PTPN4: variants seen among roughly 807,000 people sequenced by gnomAD.
PTPN4 encodes protein tyrosine phosphatase non-receptor type 4.
In PTPN4, 49 loss-of-function variants were observed where a neutral mutation model predicts 135.5. The observed-to-expected ratio is 0.36, with a 90% CI of 0.29 to 0.46. The LOEUF (loss-of-function observed/expected upper bound fraction) is 0.46. PTPN4 is among the 20% of genes least tolerant of loss of function. PTPN4 has a pLI of 1.00. For missense variants in PTPN4, 860 were observed against 1,101.0 expected (o/e 0.78, Z 3.10); for synonymous variants, 333 against 369.9 (o/e 0.90, Z 1.14).
chr2:119,915,239 A>G lies in PTPN4; in HGVS notation c.825A>G (p.Glu275=). The stretch of plus-strand genomic sequence containing the variant: ...AGTTTTTTATTCAACTTAGAAAAGA[A>G]TTGGTGAGTACGGATTTAATAATTA... ...CKQFFIQLRK[E]LHESRETLLG... Residue 275 remains glutamate, a synonymous_variant, in exon 11 of 27, where the codon GAA becomes GAG. Coordinates refer to ENST00000263708, the MANE Select transcript of PTPN4 (RefSeq NM_002830.4). The G allele has an allele frequency of 6.5e-7, 1 of 1,533,884 alleles. No homozygotes were observed. Among genetic ancestry groups the G allele is most frequent in the Non-Finnish European group, 8.8e-7 (1 of 1,140,344 alleles).
At chr2:119,890,287 G>A (rs1213949757) in intron 9 of PTPN4, among the ~76,000 whole-genome samples, 1 of 139,472 alleles carries the variant, frequency 7.2e-6, no homozygotes, top group African/African-American at 2.8e-5. Context: ...TTTTTTAACT[G>A]TTCTTGAAAT....
chr2:119,778,706 C>G (rs1426085426), intron 1 of PTPN4, among the ~76,000 whole-genome samples: 2 of 152,128 alleles, frequency 1.3e-5, no homozygotes, highest in African/African-American at 4.8e-5. Flanking sequence ...AGAAATGGCA[C>G]AAATTAGATT....
chr2:119,951,292 T>C (rs937219247), intron 18 of PTPN4, among the ~76,000 whole-genome samples: 1 of 152,232 alleles, frequency 6.6e-6, no homozygotes, highest in African/African-American at 2.4e-5. Context: ...TGGTCATCTA[T>C]TGCTTCTCTG....
At chr2:119,932,673 T>A (rs1232503442) in intron 14 of PTPN4, 124 bp downstream of exon 14, 1 of 1,171,924 alleles carries the variant, frequency 8.5e-7, no homozygotes, top group Admixed American at 2.4e-5. Context: ...GAAACATGAT[T>A]TTTGTTGCTC....
At chr2:119,833,923 G>A (rs1156498090) in intron 2 of PTPN4, among the ~76,000 whole-genome samples, 1 of 152,120 alleles carries the variant, frequency 6.6e-6, no homozygotes, top group East Asian at 1.9e-4. Flanking sequence ...ACTTAGTTCT[G>A]TATCTCACCT....
At chr2:119,887,950 G>C (rs554700587) in intron 9 of PTPN4, among the ~76,000 whole-genome samples, 37 of 152,138 alleles carry the variant, frequency 2.4e-4, no homozygotes, top group African/African-American at 7.2e-4. Flanking sequence ...GATCTGTAGA[G>C]TGCTCTGGCA....
At chr2:119,975,466 G>A (rs945705352) in intron 26 of PTPN4, among the ~76,000 whole-genome samples, 1 of 152,182 alleles carries the variant, frequency 6.6e-6, no homozygotes, top group Admixed American at 6.5e-5. Flanking sequence ...GCTCACGCCT[G>A]TAATCTCAGC....
In PTPN4 at chr2:119,978,621, G is replaced by A. The variant is rs894826703; in HGVS notation, c.*1551G>A. The A allele has an allele frequency of 2.0e-5, 3 of 151,974 alleles. No homozygotes were observed. Among genetic ancestry groups the A allele is most frequent in the Non-Finnish European group, 2.9e-5 (2 of 67,928 alleles). The allele number at this position is 151,974 out of a possible 1,614,324, so 9.4% of individuals were successfully genotyped here. A position where few individuals can be genotyped will look rare whatever the true frequency, so the allele number is the denominator to read the frequency against. On this transcript the variant is annotated 3_prime_UTR_variant, in exon 27 of 27. Coordinates refer to ENST00000263708, the MANE Select transcript of PTPN4 (RefSeq NM_002830.4). ...TACAGAGAGATAGAACCTTAACATT[G>A]CCCAGTTTGATAAAAGTGAAAATTT...
At chr2:119,882,300 C>T (rs1678091978) in intron 7 of PTPN4, 151 bp downstream of exon 7, 7 of 1,018,156 alleles carry the variant, frequency 6.9e-6, no homozygotes, top group Non-Finnish European at 1.0e-5. Flanking sequence ...AGTTAGTTAG[C>T]AATTACTATG....
chr2:119,885,704 G>GT (rs74866537), intron 8 of PTPN4, 91 bp from the exon 9 acceptor site: 272,283 of 898,540 alleles, frequency 0.3, 44,613 homozygotes, highest in African/African-American at 0.46. Flanking sequence ...AGACTGCTCA[G>GT]TTTTTTCAGA....
chr2:119,891,173 TTTTC>T (rs1369740446), intron 9 of PTPN4, among the ~76,000 whole-genome samples: 1 of 152,218 alleles, frequency 6.6e-6, no homozygotes, highest in African/African-American at 2.4e-5. Flanking sequence ...TTTTCATCTC[TTTTC>T]TTTATTTTTG....
At chr2:119,895,163 ATTTGAAATTGTTGTATATTGT>A in intron 9 of PTPN4, among the ~76,000 whole-genome samples, 1 of 152,300 alleles carries the variant, frequency 6.6e-6, no homozygotes, top group Admixed American at 6.5e-5. Flanking sequence ...CTTATTTGAT[ATTTGAAATTGTTGTATATTGT>A]TTTGAAATTG....
At chr2:119,916,016 C>T (rs955762219) in intron 11 of PTPN4, 4 of 149,764 alleles carry the variant, frequency 2.7e-5, no homozygotes, top group African/African-American at 4.9e-5. Context: ...CATAGTGAGA[C>T]ACTGTCTCTA....
At chr2:119,910,226 T>G (rs1678551142) in intron 10 of PTPN4, among the ~76,000 whole-genome samples, 1 of 152,130 alleles carries the variant, frequency 6.6e-6, no homozygotes, top group African/African-American at 2.4e-5. Flanking sequence ...CATTAGAATT[T>G]TTTATAAATT....
rs547297827 is a variant in PTPN4 at position 119,900,398 on chromosome 2, A to G, written c.676-320A>G. On this transcript the variant is annotated intron_variant, in intron 9 of 26. Transcript: ENST00000263708. ...TACTTTTAGGAATGGTAAAATGAAT[A>G]CTAAGGAAAAGGTCTCTGATTTCTG... Among the ~76,000 whole-genome samples, 92 of 152,266 alleles carry G rather than the reference A, an allele frequency of 6.0e-4. No homozygotes were observed. The Middle Eastern group carries it at 0.01, about 17-fold the overall frequency.
intron 1 of PTPN4, among the ~76,000 whole-genome samples, chr2:119,777,282 C>G (rs1404243542): frequency 6.6e-6 from 1 of 152,192 alleles, no homozygotes; most frequent in Non-Finnish European, 1.5e-5. Context: ...CACTCTTTTA[C>G]TTTTTAAGTC....
At chr2:119,762,336 T>C (rs1031138659) in intron 1 of PTPN4, among the ~76,000 whole-genome samples, 1 of 151,784 alleles carries the variant, frequency 6.6e-6, no homozygotes, top group African/African-American at 2.4e-5. Flanking sequence ...ATAAAAACTT[T>C]TCAGCTTTTT....
intron 1 of PTPN4, among the ~76,000 whole-genome samples, chr2:119,808,301 A>G (rs1454826825): frequency 1.3e-5 from 2 of 152,212 alleles, no homozygotes; most frequent in Admixed American, 6.5e-5. Flanking sequence ...CTGTTTGCAG[A>G]TGACATGATT....
chr2:119,971,702 C>T (rs1679536965), intron 26 of PTPN4, among the ~76,000 whole-genome samples: 1 of 152,194 alleles, frequency 6.6e-6, no homozygotes, highest in Non-Finnish European at 1.5e-5. Context: ...TTTCCTTTAT[C>T]ACTTATGCTT....
Sources: gnomAD v4.1 joint callset for allele counts (sites outside exome capture counted in the v4.1 genomes callset) on GRCh38, gnomAD v4.1.1 for gene constraint, MANE v1.5 for transcripts, NCBI Gene and HGNC (gene_info 2026-07-23, HGNC 2026-07-21) for gene names.